C4orf51: variants seen among roughly 807,000 people sequenced by gnomAD.
C4orf51 encodes chromosome 4 open reading frame 51, also known as uncharacterized protein C4orf51.
Under a neutral mutation model 25.2 loss-of-function variants are expected in C4orf51, and 25 were observed. The observed-to-expected ratio is 0.99, with a 90% CI of 0.72 to 1.39. C4orf51 has a LOEUF of 1.39. Ranked by LOEUF, C4orf51 falls within the 40% of genes most tolerant of loss-of-function variation. C4orf51 has a pLI of 0.00. For missense variants in C4orf51, 252 were observed against 239.6 expected (o/e 1.05, Z -0.34); for synonymous variants, 100 against 84.5 (o/e 1.18, Z -1.01).
intron 2 of C4orf51, 65 bp downstream of exon 2, chr4:145,696,697 G>T: frequency 7.8e-7 from 1 of 1,283,318 alleles, no homozygotes; most frequent in Non-Finnish European, 1.1e-6. Context: ...TTTCTTTCAG[G>T]TTCTTTTTTT....
chr4:145,755,757 A>T (rs1192223567), downstream of C4orf51, among the ~76,000 whole-genome samples: 1 of 152,218 alleles, frequency 6.6e-6, no homozygotes, highest in African/African-American at 2.4e-5. Flanking sequence ...TCCCAAAATA[A>T]ACCCCATTTT....
At chr4:145,680,711 T>C (rs1728785096) in intron 1 of C4orf51, among the ~76,000 whole-genome samples, 1 of 152,154 alleles carries the variant, frequency 6.6e-6, no homozygotes, top group African/African-American at 2.4e-5. Flanking sequence ...GTATTTGGGG[T>C]TCTCTTTTCA....
At chr4:145,778,469 C>G in the C4orf51 span, among the ~76,000 whole-genome samples, 1 of 151,984 alleles carries the variant, frequency 6.6e-6, no homozygotes, top group Non-Finnish European at 1.5e-5. Context: ...GTTAGCTGGG[C>G]ATAGTGGCAG....
chr4:145,707,151 G>A (rs1730861329), intron 2 of C4orf51, among the ~76,000 whole-genome samples: 1 of 151,856 alleles, frequency 6.6e-6, no homozygotes, highest in South Asian at 2.1e-4. Context: ...GTGTTAGCCA[G>A]GATGGTCTCG....
chr4:145,761,744 CAG>C lies in C4orf51; in HGVS notation n.167-9243_167-9242del, dbSNP rs1560882137. On this transcript the variant is annotated intron_variant and non_coding_transcript_variant, in intron 1 of 1. Transcript: ENST00000510096. This position sits in a 1 kb window ranked among gnomAD's most constrained non-coding sequence, Gnocchi z 6.8. Reference sequence around the variant, plus strand: ...AGCCCAGCCCAGCCCTGCCGCCTCTCAGGGGTGGAACGGCCCTTTTTGGCTCT... The same window carrying C: ...AGCCCAGCCCAGCCCTGCCGCCTCTCGGGTGGAACGGCCCTTTTTGGCTCT... 2 of 446,884 alleles carry C rather than the reference CAG, an allele frequency of 4.5e-6. No individual in the cohort carries two copies. The highest frequency in any genetic ancestry group is 4.1e-5 in the African/African-American group (2 of 48,236). 27.7% of individuals were successfully genotyped at this position (446,884 alleles called of 1,614,324 possible). A position where few individuals can be genotyped will look rare whatever the true frequency, so the allele number is the denominator to read the frequency against.
intron 1 of C4orf51, among the ~76,000 whole-genome samples, chr4:145,750,395 A>G (rs1733605767): frequency 6.8e-6 from 1 of 146,914 alleles, no homozygotes; most frequent in South Asian, 2.2e-4. Context: ...CACCAGATAC[A>G]CTATTCTAGG....
chr4:145,789,150 G>A, the C4orf51 span, among the ~76,000 whole-genome samples: 1 of 152,192 alleles, frequency 6.6e-6, no homozygotes, highest in African/African-American at 2.4e-5. Flanking sequence ...CCATTGATAA[G>A]GGTGGAGGAG....
chr4:145,712,246 T>A (rs1389488263), intron 2 of C4orf51, among the ~76,000 whole-genome samples: 1 of 152,184 alleles, frequency 6.6e-6, no homozygotes, highest in African/African-American at 2.4e-5. Context: ...ATCACATATT[T>A]CTTACTTTAA....
the C4orf51 span, among the ~76,000 whole-genome samples, chr4:145,788,683 A>T: frequency 6.6e-6 from 1 of 152,190 alleles, no homozygotes; most frequent in African/African-American, 2.4e-5. Context: ...TTGATTCAGG[A>T]ATCATGTCTA....
intron 1 of C4orf51, among the ~76,000 whole-genome samples, chr4:145,749,496 C>A (rs1322097559): frequency 1.3e-5 from 2 of 150,740 alleles, no homozygotes; most frequent in Non-Finnish European, 3.0e-5. Flanking sequence ...TTTTTTCATT[C>A]CTGTCTTCGT....
At chr4:145,696,366 G>A (rs963047709) in intron 1 of C4orf51, among the ~76,000 whole-genome samples, 193 bp from the exon 2 acceptor site, 1 of 152,106 alleles carries the variant, frequency 6.6e-6, no homozygotes, top group African/African-American at 2.4e-5. Context: ...TTTAATACCT[G>A]GGTGATGAAG....
chr4:145,751,681 G>A (rs1232554302), intron 1 of C4orf51, among the ~76,000 whole-genome samples: 3 of 152,188 alleles, frequency 2.0e-5, no homozygotes, highest in Admixed American at 1.3e-4. Flanking sequence ...AGGGCTGTAC[G>A]ATCATCAAGT....
intron 5 of C4orf51, among the ~76,000 whole-genome samples, chr4:145,731,143 AG>A (rs1264787684): frequency 1.3e-5 from 2 of 152,194 alleles, no homozygotes; most frequent in African/African-American, 4.8e-5. Context: ...ATTTCCTGAA[AG>A]TACATTTACT....
At chr4:145,791,239 C>T in the C4orf51 span, among the ~76,000 whole-genome samples, 1 of 152,202 alleles carries the variant, frequency 6.6e-6, no homozygotes, top group Non-Finnish European at 1.5e-5. Flanking sequence ...AGACAGCCAT[C>T]TTTCTCACTC....
chr4:145,722,582 A>G (rs1278352172), intron 2 of C4orf51, among the ~76,000 whole-genome samples: 1 of 152,218 alleles, frequency 6.6e-6, no homozygotes, highest in East Asian at 1.9e-4. Flanking sequence ...TGGTTAACAC[A>G]TCTCTCTTTA....
At chr4:145,784,234 C>T in the C4orf51 span, among the ~76,000 whole-genome samples, 6 of 152,224 alleles carry the variant, frequency 3.9e-5, no homozygotes, top group Admixed American at 1.3e-4. Context: ...ACTGCAGGAA[C>T]TGAGTAATAC....
chr4:145,767,181 A>C (rs575718971), intron 1 of C4orf51, among the ~76,000 whole-genome samples: 20 of 152,362 alleles, frequency 1.3e-4, no homozygotes, highest in African/African-American at 4.8e-4. Context: ...TCATATGTTC[A>C]AGAAGTTAAG....
chr4:145,746,709 T>C (rs1733389170), intron 1 of C4orf51, among the ~76,000 whole-genome samples: 1 of 152,198 alleles, frequency 6.6e-6, no homozygotes, highest in Non-Finnish European at 1.5e-5. Flanking sequence ...CTTTTGTGGT[T>C]CTATATACAC....
intron 1 of C4orf51, among the ~76,000 whole-genome samples, 155 bp from the exon 2 acceptor site, chr4:145,696,404 C>G (rs367819835): frequency 6.6e-6 from 1 of 152,170 alleles, no homozygotes; most frequent in Non-Finnish European, 1.5e-5. Context: ...CCCCGTTACA[C>G]GAGTTTATCT....
Sources: allele counts gnomAD v4.1 joint callset (sites outside exome capture counted in the v4.1 genomes callset), GRCh38; gene constraint gnomAD v4.1.1; non-coding constraint Gnocchi (gnomAD v3.1); transcripts MANE v1.5; gene names NCBI Gene and HGNC (gene_info 2026-07-23, HGNC 2026-07-21).